PSD3: variants seen among roughly 807,000 people sequenced by gnomAD.
The protein encoded by PSD3 is PH and SEC7 domain-containing protein 3.
Under a neutral mutation model 105.5 loss-of-function variants are expected in PSD3, and 49 were observed. The observed-to-expected ratio is 0.46, with a 90% CI of 0.37 to 0.59. PSD3 has a LOEUF of 0.59. PSD3 is among the 20% of genes least tolerant of loss of function. The pLI is 0.00. For synonymous variants in PSD3, 557 were observed against 457.8 expected (o/e 1.22, Z -2.77); for missense variants, 1,561 against 1,263.8 (o/e 1.24, Z -3.57).
chr8:18,528,812 G>A lies in PSD3; in HGVS notation c.*6931C>T, dbSNP rs985916221. The A allele has an allele frequency of 2.0e-5, 3 of 152,664 alleles. No homozygotes were observed. The highest frequency in any genetic ancestry group is 7.2e-5 in the African/African-American group (3 of 41,460). 9.5% of individuals were successfully genotyped at this position (152,664 alleles called of 1,614,324 possible). A position where few individuals can be genotyped will look rare whatever the true frequency, so the allele number is the denominator to read the frequency against. The stretch of plus-strand genomic sequence containing the variant: ...CCATTAACCAACATTTTCAGGAATT[G>A]AAGTTAGGGTGCTTATTTCTATAAC... On this transcript the variant is annotated 3_prime_UTR_variant, in exon 16 of 16. Coordinates refer to ENST00000327040, the MANE Select transcript of PSD3 (RefSeq NM_015310.4).
chr8:18,615,406 T>C (rs1053498000), intron 11 of PSD3, among the ~76,000 whole-genome samples: 1 of 151,586 alleles, frequency 6.6e-6, no homozygotes, highest in Admixed American at 6.6e-5. Context: ...GCATCAGGGA[T>C]AAGAACCCCT....
intron 2 of PSD3, among the ~76,000 whole-genome samples, chr8:18,885,898 A>T (rs1818420079): frequency 6.6e-6 from 1 of 152,190 alleles, no homozygotes; most frequent in African/African-American, 2.4e-5. Context: ...TCCAGTAAAG[A>T]TTCTATCTCA....
chr8:18,583,916 C>T (rs1460972732), intron 12 of PSD3, among the ~76,000 whole-genome samples: 1 of 152,134 alleles, frequency 6.6e-6, no homozygotes, highest in East Asian at 1.9e-4. Context: ...TATATATGCA[C>T]TCATTATTGA....
chr8:18,766,106 C>G (rs1806975544), intron 8 of PSD3, among the ~76,000 whole-genome samples: 1 of 152,008 alleles, frequency 6.6e-6, no homozygotes, highest in Admixed American at 6.6e-5. Flanking sequence ...GGCTGAGGTG[C>G]GTGGATTACT....
At chr8:19,072,230 T>G (rs989899974) in intron 1 of PSD3, among the ~76,000 whole-genome samples, 2 of 151,836 alleles carry the variant, frequency 1.3e-5, no homozygotes, top group Non-Finnish European at 2.9e-5. Context: ...GCCTCCCCAG[T>G]AGCTTGGGTT....
chr8:18,949,236 AAAAAAAAAATATATATAT>A lies in PSD3; in HGVS notation c.22-13112_22-13095del, dbSNP rs1201518411. On this transcript the variant is annotated intron_variant, in intron 1 of 15. Transcript: ENST00000327040. ...GACTCTGTCTCAAAAAAAAAAAAAAAAAAAAAAAATATATATATATATATATATATATATATATATATT... is the reference window on the plus strand; with the variant it reads ...GACTCTGTCTCAAAAAAAAAAAAAAAATATATATATATATATATATATATT... Among the ~76,000 whole-genome samples the A allele has an allele frequency of 2.3e-3, 126 of 54,392 alleles. 2 individuals carry two copies. Among genetic ancestry groups the A allele is most frequent in the Non-Finnish European group, 4.0e-3 (99 of 24,550 alleles). 35.7% of individuals were successfully genotyped at this position (54,392 alleles called of 152,430 possible).
At chr8:19,052,709 A>G (rs150071708) in intron 1 of PSD3, among the ~76,000 whole-genome samples, 5 of 152,210 alleles carry the variant, frequency 3.3e-5, no homozygotes, top group Admixed American at 3.3e-4. Flanking sequence ...CAGATTGTCT[A>G]CACAAAGGGG....
intron 1 of PSD3, among the ~76,000 whole-genome samples, chr8:18,943,846 T>C (rs1032173764): frequency 5.3e-5 from 8 of 152,064 alleles, no homozygotes; most frequent in Non-Finnish European, 1.2e-4. Context: ...CTTAGATTTC[T>C]TCACTCACCA....
At chr8:18,985,919 TTTA>T (rs543809802) in intron 1 of PSD3, among the ~76,000 whole-genome samples, 1 of 151,990 alleles carries the variant, frequency 6.6e-6, no homozygotes, top group Non-Finnish European at 1.5e-5. Context: ...ATAATTACAT[TTTA>T]TTATTATAGT....
intron 9 of PSD3, among the ~76,000 whole-genome samples, chr8:18,739,483 A>T (rs1804398625): frequency 6.6e-6 from 1 of 152,164 alleles, no homozygotes; most frequent in South Asian, 2.1e-4. Flanking sequence ...CTGTTTTATT[A>T]TAGGGTTGAA....
chr8:18,590,117 T>C lies in PSD3; in HGVS notation c.2481+10247A>G, dbSNP rs189504828. On this transcript the variant is annotated intron_variant, in intron 12 of 15. Coordinates refer to ENST00000327040, the MANE Select transcript of PSD3 (RefSeq NM_015310.4). ...AAATATAAAGTCCTTTAAATAAAGA[T>C]CTGGGTGGACAAAGGAAGGCTAGTT... is the stretch of plus-strand genomic sequence containing the variant. Among the ~76,000 whole-genome samples, 32 of 152,302 alleles carry C rather than the reference T, an allele frequency of 2.1e-4. No individual in the cohort carries two copies. In the East Asian group the frequency reaches 6.2e-3, roughly 29 times the overall value.
chr8:18,911,133 T>A (rs1431634206), intron 2 of PSD3, among the ~76,000 whole-genome samples: 1 of 151,816 alleles, frequency 6.6e-6, no homozygotes, highest in East Asian at 1.9e-4. Context: ...ATAAAACAGA[T>A]AAAAGAGGGA....
intron 2 of PSD3, among the ~76,000 whole-genome samples, chr8:18,881,118 C>T (rs1251100920): frequency 6.6e-6 from 1 of 152,168 alleles, no homozygotes; most frequent in African/African-American, 2.4e-5. Flanking sequence ...CCTAACAAAT[C>T]GTGTTTCCTG....
intron 11 of PSD3, among the ~76,000 whole-genome samples, chr8:18,615,300 C>T (rs1805576940): frequency 6.6e-6 from 1 of 152,076 alleles, no homozygotes; most frequent in Admixed American, 6.5e-5. Context: ...AAGCACTCAC[C>T]CAGTGACTCT....
At chr8:18,718,877 G>C (rs1019156575) in intron 9 of PSD3, among the ~76,000 whole-genome samples, 1 of 152,060 alleles carries the variant, frequency 6.6e-6, no homozygotes, top group Non-Finnish European at 1.5e-5. Context: ...GGAGGCAATG[G>C]GGAGAGCAGA....
At chr8:18,634,607 G>A (rs942988820) in intron 10 of PSD3, among the ~76,000 whole-genome samples, 2 of 152,114 alleles carry the variant, frequency 1.3e-5, no homozygotes, top group African/African-American at 4.8e-5. Context: ...GTCTGTAACA[G>A]TTCCTCAGTC....
chr8:18,625,119 C>G (rs975714207), intron 11 of PSD3, among the ~76,000 whole-genome samples: 4 of 151,684 alleles, frequency 2.6e-5, no homozygotes, highest in Admixed American at 2.6e-4. Context: ...ATCTTAGAAC[C>G]TTGTTTCTCA....
At chr8:18,729,790 A>G (rs909303753) in intron 9 of PSD3, among the ~76,000 whole-genome samples, 7 of 152,132 alleles carry the variant, frequency 4.6e-5, no homozygotes, top group Non-Finnish European at 8.8e-5. Context: ...TCACATCCCT[A>G]TCTTGAGCCT....
At chr8:18,611,851 T>G (rs1805290567) in intron 11 of PSD3, among the ~76,000 whole-genome samples, 1 of 151,760 alleles carries the variant, frequency 6.6e-6, no homozygotes, top group Admixed American at 6.6e-5. Context: ...TAGATTAGCC[T>G]TTTTCCTTAT....
Sources: gnomAD v4.1 joint callset for allele counts (sites outside exome capture counted in the v4.1 genomes callset) on GRCh38, gnomAD v4.1.1 for gene constraint, MANE v1.5 for transcripts, NCBI Gene and HGNC (gene_info 2026-07-23, HGNC 2026-07-21) for gene names.